The following TTC28 variants were observed in gnomAD, a reference collection of about 807,000 sequenced individuals.
The protein encoded by TTC28 is tetratricopeptide repeat protein 28.
TTC28 carries 61 observed loss-of-function variants against 198.0 expected under a neutral mutation model. The ratio of observed to expected loss-of-function variants is 0.31; its 90% CI spans 0.25 to 0.38. The LOEUF is 0.38. Among genes scored for constraint, TTC28 ranks in the 10% least tolerant of loss-of-function variants. The probability of loss-of-function intolerance (pLI) is 1.00; values close to 1 mark genes in which losing one functional copy is unlikely to be tolerated. For missense variants in TTC28, 2,678 were observed against 3,164.0 expected (o/e 0.85, Z 3.69); for synonymous variants, 1,171 against 1,297.8 (o/e 0.90, Z 2.10).
chr22:28,037,212 A>C (rs1344118664), intron 12 of TTC28, among the ~76,000 whole-genome samples: 1 of 152,114 alleles, frequency 6.6e-6, no homozygotes, highest in Non-Finnish European at 1.5e-5. Context: ...GAGACACAAC[A>C]AAAAAAGAGA....
chr22:28,099,525 C>T (rs762206375), intron 9 of TTC28, among the ~76,000 whole-genome samples: 42 of 152,304 alleles, frequency 2.8e-4, no homozygotes, highest in Non-Finnish European at 5.0e-4. Flanking sequence ...CACTGACTTC[C>T]CTCGGACCTC....
At chr22:28,037,183 C>T (rs1418085390) in intron 12 of TTC28, among the ~76,000 whole-genome samples, 1 of 152,174 alleles carries the variant, frequency 6.6e-6, no homozygotes, top group African/African-American at 2.4e-5. Flanking sequence ...CAGCATCATC[C>T]TGATACCAAA....
Position 27,983,033 on chromosome 22 carries a change from T to C in TTC28, c.6634A>G (p.Ser2212Gly), listed in dbSNP as rs1312846248. ...GAGAGAACAGGCCTGCTGAACGCAC[T>C]GGTTTCTGACGCTCTGAAGACAGCA... ...STAVFRASET[S>G]AFSRPVLSHQ... The change falls in exon 23 of 23, where the codon AGT becomes GGT. Residue 2212 changes from serine (S) to glycine (G), a missense_variant. Physicochemically the swap from Ser to Gly is moderately conservative, Grantham distance 56. Transcript: ENST00000397906. The C allele has an allele frequency of 1.3e-6, 2 of 1,551,692 alleles. No individual in the cohort carries two copies. Among genetic ancestry groups the C allele is most frequent in the Admixed American group, 2.0e-5 (1 of 50,992 alleles).
chr22:28,540,181 C>T (rs1483282640), intron 2 of TTC28, among the ~76,000 whole-genome samples: 3 of 152,000 alleles, frequency 2.0e-5, no homozygotes, highest in African/African-American at 7.3e-5. Context: ...CTCCTGACCT[C>T]ATGATCCGCC....
intron 12 of TTC28, among the ~76,000 whole-genome samples, chr22:28,031,077 C>T (rs1424055078): frequency 6.6e-6 from 1 of 152,170 alleles, no homozygotes; most frequent in Non-Finnish European, 1.5e-5. Context: ...TTTAAGTAAA[C>T]AGAAATACCC....
chr22:28,277,892 C>A (rs1439758829), intron 5 of TTC28, among the ~76,000 whole-genome samples: 1 of 152,060 alleles, frequency 6.6e-6, no homozygotes, highest in Admixed American at 6.5e-5. Context: ...GGTGGGGCAG[C>A]CTGCCACCCA....
chr22:28,080,005 A>T (rs1941290246), intron 12 of TTC28, among the ~76,000 whole-genome samples: 2 of 152,206 alleles, frequency 1.3e-5, no homozygotes, highest in Non-Finnish European at 2.9e-5. Flanking sequence ...CTGAGATTAT[A>T]GGCATGAGCC....
intron 1 of TTC28, among the ~76,000 whole-genome samples, chr22:28,650,939 T>C (rs2051553714): frequency 6.6e-6 from 1 of 152,190 alleles, no homozygotes; most frequent in African/African-American, 2.4e-5. Flanking sequence ...TAGGTGTGAG[T>C]CAAATCTAGC....
chr22:28,547,552 C>T lies in TTC28; in HGVS notation c.381+82000G>A, dbSNP rs528639852. ...CATACAAAGTGTCCTAAAGTGTCCT[C>T]TTTCTACCCCCAGTCAATGAATCTA... On this transcript the variant is annotated intron_variant, in intron 2 of 22. Transcript: ENST00000397906. Among the ~76,000 whole-genome samples the T allele has an allele frequency of 4.1e-4, 62 of 152,182 alleles. 1 individual carries two copies. The South Asian group carries it at 0.013, about 31-fold the overall frequency.
intron 12 of TTC28, among the ~76,000 whole-genome samples, chr22:28,059,710 G>A (rs1940433085): frequency 6.6e-6 from 1 of 151,974 alleles, no homozygotes; most frequent in Admixed American, 6.6e-5. Flanking sequence ...TTTGCTTCAT[G>A]TAATTTGAAA....
chr22:28,211,613 A>T (rs1202590656), intron 5 of TTC28, among the ~76,000 whole-genome samples: 1 of 152,184 alleles, frequency 6.6e-6, no homozygotes, highest in Non-Finnish European at 1.5e-5. Context: ...CCAATACAGG[A>T]GCACCCAGAT....
chr22:28,171,421 A>G (rs1330115817), intron 5 of TTC28, among the ~76,000 whole-genome samples: 1 of 152,178 alleles, frequency 6.6e-6, no homozygotes, highest in Non-Finnish European at 1.5e-5. Flanking sequence ...GGGAATAACA[A>G]TGAGGGGATG....
At chr22:28,562,122 A>C (rs936823593) in intron 2 of TTC28, among the ~76,000 whole-genome samples, 17 of 152,172 alleles carry the variant, frequency 1.1e-4, no homozygotes, top group African/African-American at 4.1e-4. Context: ...TAAAATACTA[A>C]AGCATAGTAA....
At chr22:28,148,395 C>T (rs1410125764) in intron 6 of TTC28, among the ~76,000 whole-genome samples, 8 of 152,106 alleles carry the variant, frequency 5.3e-5, no homozygotes, top group African/African-American at 1.7e-4. Flanking sequence ...AGGCAGATCA[C>T]GAAGTCAGGA....
At chr22:28,628,416 T>C (rs1286186009) in intron 2 of TTC28, among the ~76,000 whole-genome samples, 1 of 152,198 alleles carries the variant, frequency 6.6e-6, no homozygotes, top group African/African-American at 2.4e-5. Flanking sequence ...ATTAATATAT[T>C]CATCATCTCA....
chr22:28,662,226 C>A (rs1253468542), intron 1 of TTC28, among the ~76,000 whole-genome samples: 2 of 152,114 alleles, frequency 1.3e-5, no homozygotes, highest in Non-Finnish European at 2.9e-5. Context: ...ACAATAAAAA[C>A]TAGGTTTTAA....
chr22:28,297,969 A>G, intron 3 of TTC28, 117 bp from the exon 4 acceptor site: 1 of 1,184,442 alleles, frequency 8.4e-7, no homozygotes, highest in Non-Finnish European at 1.2e-6. Flanking sequence ...GGCTTATTTC[A>G]AGTATAAACT....
At chr22:28,459,245 G>T (rs1453901448) in intron 2 of TTC28, among the ~76,000 whole-genome samples, 2 of 152,026 alleles carry the variant, frequency 1.3e-5, no homozygotes, top group African/African-American at 2.4e-5. Context: ...TGGGAAACAT[G>T]GTGAAACCCA....
At chr22:28,502,541 G>A (rs1022814892) in intron 2 of TTC28, among the ~76,000 whole-genome samples, 3 of 151,832 alleles carry the variant, frequency 2.0e-5, no homozygotes, top group Non-Finnish European at 2.9e-5. Flanking sequence ...CCAGCTACTC[G>A]GGAGGCTGAG....
Sources: gnomAD v4.1 joint callset for allele counts (sites outside exome capture counted in the v4.1 genomes callset) on GRCh38, gnomAD v4.1.1 for gene constraint, MANE v1.5 for transcripts, NCBI Gene and HGNC (gene_info 2026-07-23, HGNC 2026-07-21) for gene names.